The following GALNT13 variants were observed in gnomAD, a reference collection of about 807,000 sequenced individuals.
GALNT13 encodes UDP-GalNAc:polypeptide N-acetylgalactosaminyltransferase 13.
In GALNT13, 28 loss-of-function variants were observed where a neutral mutation model predicts 64.2. The ratio of observed to expected loss-of-function variants is 0.44; its 90% CI spans 0.32 to 0.60. GALNT13 has a LOEUF of 0.60. Ranked by LOEUF, GALNT13 falls within the 20% of genes least tolerant of loss-of-function variation. The pLI is 0.05. For missense variants in GALNT13, 577 were observed against 669.8 expected, an observed-to-expected ratio of 0.86 and a Z score of 1.53; for synonymous variants, 214 against 224.6, an observed-to-expected ratio of 0.95 and a Z score of 0.42.
intron 2 of GALNT13, among the ~76,000 whole-genome samples, chr2:153,924,970 G>C (rs1690017165): frequency 6.6e-6 from 1 of 152,034 alleles, no homozygotes; most frequent in Non-Finnish European, 1.5e-5. Flanking sequence ...TTGTCAGATG[G>C]ATAGATTACA....
intron 8 of GALNT13, among the ~76,000 whole-genome samples, chr2:154,285,674 G>C (rs545752789): frequency 1.3e-5 from 2 of 151,966 alleles, no homozygotes; most frequent in South Asian, 2.1e-4. Context: ...TGCTCTTTTT[G>C]TTCAAAATTT....
At chr2:154,380,821 T>G (rs1032246424) in intron 9 of GALNT13, among the ~76,000 whole-genome samples, 1 of 152,028 alleles carries the variant, frequency 6.6e-6, no homozygotes, top group African/African-American at 2.4e-5. Flanking sequence ...TCTCATCTCA[T>G]GGCTCAACTG....
the GALNT13 span, among the ~76,000 whole-genome samples, chr2:153,230,839 C>A: frequency 2.0e-5 from 3 of 152,122 alleles, no homozygotes; most frequent in Admixed American, 1.3e-4. Context: ...AATTTGGAGA[C>A]TTTTCACAAA....
chr2:154,392,436 G>T (rs1447669206), intron 9 of GALNT13, among the ~76,000 whole-genome samples: 1 of 152,122 alleles, frequency 6.6e-6, no homozygotes, highest in Admixed American at 6.5e-5. Context: ...GTCCAGATGC[G>T]GTGATCTGGT....
chr2:153,548,906 G>A, the GALNT13 span, among the ~76,000 whole-genome samples: 1 of 152,158 alleles, frequency 6.6e-6, no homozygotes, highest in African/African-American at 2.4e-5. Context: ...AAAATTTGGT[G>A]TAGTCATACA....
At chr2:154,455,989 G>A (rs534042433), downstream of GALNT13, among the ~76,000 whole-genome samples, 2 of 152,216 alleles carry the variant, frequency 1.3e-5, no homozygotes, top group Admixed American at 1.3e-4. Flanking sequence ...AGATGATTAA[G>A]GCTATATCTA....
the GALNT13 span, among the ~76,000 whole-genome samples, chr2:153,844,984 CA>C: frequency 6.6e-6 from 1 of 152,176 alleles, no homozygotes; most frequent in Admixed American, 6.5e-5. Flanking sequence ...ATTTTACTGA[CA>C]ATGTTATTGT....
chr2:154,304,674 G>C (rs1274770805), intron 9 of GALNT13, among the ~76,000 whole-genome samples: 3 of 152,292 alleles, frequency 2.0e-5, no homozygotes, highest in Non-Finnish European at 2.9e-5. Context: ...GGGAAAAAAT[G>C]CCTGCTATCT....
At chr2:153,796,982 T>C in the GALNT13 span, among the ~76,000 whole-genome samples, 13 of 152,334 alleles carry the variant, frequency 8.5e-5, no homozygotes, top group East Asian at 2.5e-3. Flanking sequence ...TTTCTATCAT[T>C]AATTTCACTT....
chr2:153,106,733 T>C, the GALNT13 span, among the ~76,000 whole-genome samples: 5 of 152,176 alleles, frequency 3.3e-5, no homozygotes, highest in African/African-American at 1.2e-4. Context: ...CTTTATGACT[T>C]GCAAATGGAT....
At chr2:153,166,486 A>T in the GALNT13 span, among the ~76,000 whole-genome samples, 513 of 152,306 alleles carry the variant, frequency 3.4e-3, 2 homozygotes, top group African/African-American at 0.012. Context: ...ACAAATCCAG[A>T]TTGGCAAGTA....
chr2:153,563,086 T>C, the GALNT13 span, among the ~76,000 whole-genome samples: 409 of 130,104 alleles, frequency 3.1e-3, 1 homozygote, highest in African/African-American at 0.012. Context: ...TTTTTATCTA[T>C]GTATCTATTT....
intron 3 of GALNT13, among the ~76,000 whole-genome samples, chr2:153,984,671 T>G (rs2105169057): frequency 6.6e-6 from 1 of 151,926 alleles, no homozygotes; most frequent in South Asian, 2.1e-4. Context: ...ATGTATACAG[T>G]TATATAAGCA....
At chr2:153,116,756 A>AAC in the GALNT13 span, among the ~76,000 whole-genome samples, 1 of 151,666 alleles carries the variant, frequency 6.6e-6, no homozygotes, top group Non-Finnish European at 1.5e-5. Flanking sequence ...AAATGACCAC[A>AAC]ACATTGAGGA....
intron 3 of GALNT13, among the ~76,000 whole-genome samples, chr2:153,984,956 G>A (rs1016264433): frequency 1.3e-4 from 20 of 151,514 alleles, no homozygotes; most frequent in Non-Finnish European, 2.9e-4. Context: ...ATAATTTTTC[G>A]AATGACTAGG....
At chr2:153,667,659 C>A in the GALNT13 span, among the ~76,000 whole-genome samples, 1 of 152,146 alleles carries the variant, frequency 6.6e-6, no homozygotes, top group Non-Finnish European at 1.5e-5. Context: ...CCATTACCAG[C>A]CACTACAAAG....
At chr2:153,391,920 G>A in the GALNT13 span, among the ~76,000 whole-genome samples, 1 of 150,498 alleles carries the variant, frequency 6.6e-6, no homozygotes, top group South Asian at 2.1e-4. Context: ...CTATGATTGT[G>A]AAGCTTCCTT....
chr2:153,218,983 A>G, the GALNT13 span, among the ~76,000 whole-genome samples: 1 of 152,222 alleles, frequency 6.6e-6, no homozygotes, highest in South Asian at 2.1e-4. Context: ...ATGTTTCACA[A>G]CTAACTACAT....
the GALNT13 span, among the ~76,000 whole-genome samples, chr2:153,181,843 AATT>A: frequency 6.1e-4 from 89 of 146,566 alleles, 1 homozygote; most frequent in African/African-American, 1.8e-3. Context: ...TAATTTATAT[AATT>A]ATATAAGTAT....
Sources: allele counts gnomAD v4.1 joint callset (sites outside exome capture counted in the v4.1 genomes callset), GRCh38; gene constraint gnomAD v4.1.1; transcripts MANE v1.5; gene names NCBI Gene and HGNC (gene_info 2026-07-23, HGNC 2026-07-21).